The following CREB5 variants were observed in gnomAD, a reference collection of about 807,000 sequenced individuals.
The protein encoded by CREB5 is cAMP responsive element binding protein 5.
In CREB5, 19 loss-of-function variants were observed where a neutral mutation model predicts 57.1. The observed-to-expected ratio is 0.33, with a 90% CI of 0.23 to 0.49. The LOEUF is 0.49. Ranked by LOEUF, CREB5 falls within the 20% of genes least tolerant of loss-of-function variation. The probability of loss-of-function intolerance (pLI) is 0.99; values close to 1 mark genes in which losing one functional copy is unlikely to be tolerated. For synonymous variants in CREB5, 238 were observed against 238.3 expected (o/e 1.00, Z 0.01); for missense variants, 579 against 671.6 (o/e 0.86, Z 1.52).
chr7:28,662,256 A>C (rs6945170), intron 5 of CREB5, among the ~76,000 whole-genome samples: 1,928 of 152,288 alleles, frequency 0.013, 41 homozygotes, highest in African/African-American at 0.044. Flanking sequence ...AAGGTGAGAA[A>C]ACACCTAACA....
intron 5 of CREB5, among the ~76,000 whole-genome samples, chr7:28,657,013 C>T (rs573819389): frequency 2.5e-4 from 38 of 152,212 alleles, no homozygotes; most frequent in African/African-American, 8.7e-4. Context: ...AAAAGAGGGA[C>T]TTTCTGAGAG....
In CREB5 at chr7:28,339,078, G is replaced by T. The variant is rs113061791; in HGVS notation, c.-25+39637G>T. On this transcript the variant is annotated intron_variant, in intron 1 of 9. Transcript: ENST00000396299. ...TCAAAACAGTTATTTTGAATTCCCT[G>T]TCTGAAAGGCCACATATCTTTGTCT... 6.4e-3 allele frequency among the ~76,000 whole-genome samples: 967 copies of T among 152,148 alleles called. 5 individuals carry two copies. Among genetic ancestry groups the T allele is most frequent in the African/African-American group, 0.022 (912 of 41,512 alleles).
At chr7:28,691,420 CAAAAA>C (rs60338671) in intron 5 of CREB5, among the ~76,000 whole-genome samples, 3 of 92,572 alleles carry the variant, frequency 3.2e-5, no homozygotes, top group African/African-American at 3.8e-5. Flanking sequence ...ACTCTGTCTC[CAAAAA>C]AAAAAAAAAA....
In CREB5 at chr7:28,473,218, C is replaced by T. The variant is rs1011655236; in HGVS notation, c.4-14957C>T. On this transcript the variant is annotated intron_variant, in intron 1 of 10. Coordinates refer to ENST00000357727, the MANE Select transcript of CREB5 (RefSeq NM_182898.4). ...ATACCTATGGTCCCAGCTACTTGGGCGGCTGAGGTGAGAAGATCGTTTAAG... is the reference window on the plus strand; with the variant it reads ...ATACCTATGGTCCCAGCTACTTGGGTGGCTGAGGTGAGAAGATCGTTTAAG... 4.6e-5 allele frequency among the ~76,000 whole-genome samples: 7 copies of T among 151,960 alleles called. No homozygotes were observed. In the South Asian group the frequency reaches 8.3e-4, roughly 18 times the overall value.
chr7:28,638,767 A>G (rs1224103112), intron 5 of CREB5, among the ~76,000 whole-genome samples: 1 of 152,222 alleles, frequency 6.6e-6, no homozygotes, highest in Non-Finnish European at 1.5e-5. Flanking sequence ...CATTTTATAT[A>G]TGAAAAACCT....
intron 4 of CREB5, among the ~76,000 whole-genome samples, chr7:28,543,493 A>G (rs779267386): frequency 3.3e-5 from 5 of 151,436 alleles, no homozygotes; most frequent in African/African-American, 4.9e-5. Flanking sequence ...GCATCTGTCC[A>G]TATCATTACA....
chr7:28,704,728 A>G (rs935527640), intron 5 of CREB5, among the ~76,000 whole-genome samples: 7 of 152,142 alleles, frequency 4.6e-5, no homozygotes, highest in Admixed American at 1.3e-4. Context: ...AAACACTGGG[A>G]TTACAGATGT....
At chr7:28,657,398 AC>A (rs1446363326) in intron 5 of CREB5, among the ~76,000 whole-genome samples, 3 of 152,072 alleles carry the variant, frequency 2.0e-5, no homozygotes, top group African/African-American at 7.2e-5. Flanking sequence ...TGTATTCTCC[AC>A]CACCCCCACC....
chr7:28,736,935 A>T (rs1804017384), intron 7 of CREB5, among the ~76,000 whole-genome samples: 1 of 150,922 alleles, frequency 6.6e-6, no homozygotes, highest in Non-Finnish European at 1.5e-5. Flanking sequence ...CCCTGAACCC[A>T]GGGCAACAAG....
intron 1 of CREB5, among the ~76,000 whole-genome samples, chr7:28,380,318 A>G (rs1240827262): frequency 1.3e-5 from 2 of 152,170 alleles, no homozygotes; most frequent in South Asian, 2.1e-4. Flanking sequence ...TCTGCACACT[A>G]CTATGCTATC....
intron 4 of CREB5, among the ~76,000 whole-genome samples, chr7:28,529,641 C>T (rs994495632): frequency 2.0e-5 from 3 of 152,152 alleles, no homozygotes; most frequent in African/African-American, 7.2e-5. Context: ...TCTCTTCTTC[C>T]CAACCTGATT....
intron 7 of CREB5, among the ~76,000 whole-genome samples, chr7:28,749,879 C>T (rs1459358340): frequency 6.7e-6 from 1 of 150,192 alleles, no homozygotes; most frequent in Non-Finnish European, 1.5e-5. Flanking sequence ...TCCAATTGGC[C>T]AAGAAGTTGG....
At chr7:28,390,044 GTTT>G (rs35529627) in intron 1 of CREB5, among the ~76,000 whole-genome samples, 1 of 143,036 alleles carries the variant, frequency 7.0e-6, no homozygotes, top group Admixed American at 7.0e-5. Flanking sequence ...AAGTAGGAGG[GTTT>G]TTTTTTTTTT....
intron 1 of CREB5, among the ~76,000 whole-genome samples, chr7:28,369,995 T>C (rs74704973): frequency 0.014 from 2,164 of 152,292 alleles, 46 homozygotes; most frequent in East Asian, 0.088. Context: ...TACTTTTTTT[T>C]CCCTAGTAAT....
At chr7:28,427,819 G>T (rs1187813745) in intron 1 of CREB5, among the ~76,000 whole-genome samples, 1 of 152,034 alleles carries the variant, frequency 6.6e-6, no homozygotes, top group Non-Finnish European at 1.5e-5. Flanking sequence ...TATACAAAAG[G>T]ACTTCCGGAG....
chr7:28,506,921 G>A lies in CREB5; in HGVS notation c.170-695G>A, dbSNP rs146254156. ...TTATAAGTAGAAAGCTCTGTAGAAA[G>A]TAAAAAATATGAAAGAAATTCTTTT... On this transcript the variant is annotated intron_variant, in intron 3 of 10. Coordinates refer to ENST00000357727, the MANE Select transcript of CREB5 (RefSeq NM_182898.4). 8.1e-4 allele frequency among the ~76,000 whole-genome samples: 123 copies of A among 152,304 alleles called. No individual in the cohort carries two copies. The East Asian group carries it at 0.019, about 23-fold the overall frequency.
At chr7:28,781,735 C>T (rs1276094633) in intron 7 of CREB5, among the ~76,000 whole-genome samples, 2 of 151,792 alleles carry the variant, frequency 1.3e-5, no homozygotes, top group Non-Finnish European at 2.9e-5. Context: ...CATGAAATTC[C>T]CTATCAATCA....
chr7:28,821,630 G>A lies in CREB5; in HGVS notation c.*2351G>A, dbSNP rs1809777638. 6.6e-6 allele frequency: 1 copy of A among 151,902 alleles called. No individual in the cohort carries two copies. The highest frequency in any genetic ancestry group is 1.5e-5 in the Non-Finnish European group (1 of 67,966). The allele number at this position is 151,902 out of a possible 1,614,324, so 9.4% of individuals were successfully genotyped here. ...ACAGCTGAATGGTTTAATCTGACTG[G>A]CTTCCTAAGAAATGTTTAAGACTCA... On this transcript the variant is annotated 3_prime_UTR_variant, in exon 11 of 11. Transcript: ENST00000357727.
intron 1 of CREB5, among the ~76,000 whole-genome samples, chr7:28,381,509 A>T (rs910435279): frequency 6.6e-6 from 1 of 152,216 alleles, no homozygotes; most frequent in East Asian, 1.9e-4. Flanking sequence ...GTTGGCATAG[A>T]TCACTAGAAG....
Sources: allele counts gnomAD v4.1 joint callset (sites outside exome capture counted in the v4.1 genomes callset), GRCh38; gene constraint gnomAD v4.1.1; transcripts MANE v1.5; gene names NCBI Gene and HGNC (gene_info 2026-07-23, HGNC 2026-07-21).